ZNF468: variants seen among roughly 807,000 people sequenced by gnomAD.
ZNF468 encodes zinc finger protein 468, also known as zinc finger protein ZNF468.
Under a neutral mutation model 7.2 loss-of-function variants are expected in ZNF468, and 8 were observed. The ratio of observed to expected loss-of-function variants is 1.11; its 90% CI spans 0.65 to 2.01. The LOEUF (loss-of-function observed/expected upper bound fraction) is 2.01. Ranked by LOEUF, ZNF468 falls within the 30% of genes most tolerant of loss-of-function variation. The pLI, the probability that ZNF468 is intolerant of heterozygous loss-of-function variation, is 0.00. For synonymous variants in ZNF468, 218 were observed against 214.4 expected (o/e 1.02, Z -0.15); for missense variants, 608 against 626.5 (o/e 0.97, Z 0.31).
At chr19:52,852,057 G>C (rs2063394670) in intron 2 of ZNF468, among the ~76,000 whole-genome samples, 1 of 151,996 alleles carries the variant, frequency 6.6e-6, no homozygotes, top group Admixed American at 6.6e-5. Flanking sequence ...TGGGAGGAAA[G>C]AGAGGAGCAG....
rs2063365938 is a variant in ZNF468, at chr19:52,849,342, G to T, written c.16-129C>A. The T allele has an allele frequency of 3.9e-6, 6 of 1,535,156 alleles. No homozygotes were observed. The South Asian group carries it at 5.0e-5, about 13-fold the overall frequency. On this transcript the variant is annotated intron_variant, in intron 2 of 3. Transcript: ENST00000595646. ...AATGTTCTGACAAATCCAAATAAGG[G>T]ATTTCTCACTACATGATGTCTCCCC...
intron 2 of ZNF468, among the ~76,000 whole-genome samples, chr19:52,852,045 A>C (rs2063394524): frequency 6.6e-6 from 1 of 152,162 alleles, no homozygotes; most frequent in African/African-American, 2.4e-5. Flanking sequence ...ATACTTTGGC[A>C]GTGGGAGGAA....
At position 52,840,833 on chromosome 19, in the gene ZNF468, C is replaced by A; in HGVS notation, c.1461G>T (p.Arg487Ser). ...GQTSSLIIHR[R>S]LHTGEKPYKC... is the part of the protein sequence containing the mutation. ...TGTAAGGTTTCTCTCCAGTATGAAG[C>A]CTACGATGGATTATAAGCGATGATG... The change falls in exon 4 of 4, where the codon AGG becomes AGT. Residue 487 changes from arginine (R) to serine (S), a missense_variant. Arg to Ser is a moderately radical substitution (Grantham distance 110). Transcript: ENST00000595646. The A allele has an allele frequency of 6.3e-7, 1 of 1,594,216 alleles. No homozygotes were observed. The highest frequency in any genetic ancestry group is 8.5e-7 in the Non-Finnish European group (1 of 1,171,158).
chr19:52,847,928 C>T (rs1370944022), intron 3 of ZNF468, among the ~76,000 whole-genome samples: 4 of 152,112 alleles, frequency 2.6e-5, no homozygotes, highest in Non-Finnish European at 5.9e-5. Flanking sequence ...GTGTGCTAGC[C>T]CCATGGGCCC....
chr19:52,854,226 G>A (rs763935236), intron 2 of ZNF468, 32 bp downstream of exon 2: 18 of 1,613,636 alleles, frequency 1.1e-5, no homozygotes, highest in Non-Finnish European at 1.5e-5. Flanking sequence ...AAAGGAAGGA[G>A]ACAGAACAAT....
chr19:52,841,852 G>T lies in ZNF468; in HGVS notation c.442C>A (p.Leu148Met), dbSNP rs546360972. ...GACTGAAATATGTGCGGTTCAGGCAGATGCAAATGAAAGCTTGATCCAAGC... is the reference window on the plus strand; with the variant it reads ...GACTGAAATATGTGCGGTTCAGGCATATGCAAATGAAAGCTTGATCCAAGC... The part of the protein sequence containing the change: ...DQLGSSFHLH[L>M]PEPHIFQSEG... The change falls in exon 4 of 4, where the codon CTG (leucine) becomes ATG (methionine). Residue 148 changes from leucine (L) to methionine (M), a missense_variant. By Grantham distance (15) the Leu-to-Met change is conservative. Coordinates refer to ENST00000595646, the MANE Select transcript of ZNF468 (RefSeq NM_001008801.2). 2 of 1,614,112 alleles carry T rather than the reference G, an allele frequency of 1.2e-6. No individual in the cohort carries two copies. The highest frequency in any genetic ancestry group is 2.7e-5 in the African/African-American group (2 of 75,022).
Position 52,839,758 on chromosome 19 carries a change from T to G in ZNF468, c.*967A>C. The G allele has an allele frequency of 8.0e-6, 4 of 497,892 alleles. No homozygotes were observed. Among genetic ancestry groups the G allele is most frequent in the Non-Finnish European group, 1.2e-5 (3 of 247,114 alleles). 30.8% of individuals were successfully genotyped at this position (497,892 alleles called of 1,614,324 possible). On this transcript the variant is annotated 3_prime_UTR_variant, in exon 4 of 4. Transcript: ENST00000595646. ...TGTTTTGCATAGGATGAAGCTTGAC[T>G]GAAGACCTTGCCTCAATCATGACAT...
chr19:52,843,453 G>A (rs1011760286), intron 3 of ZNF468, among the ~76,000 whole-genome samples: 2 of 151,944 alleles, frequency 1.3e-5, no homozygotes, highest in Admixed American at 6.6e-5. Flanking sequence ...GGCTGGTCTC[G>A]AACTCCTGAC....
intron 1 of ZNF468, among the ~76,000 whole-genome samples, chr19:52,854,680 A>G (rs1468800574): frequency 6.6e-6 from 1 of 152,166 alleles, no homozygotes; most frequent in Non-Finnish European, 1.5e-5. Context: ...TTTGAGCTCA[A>G]AAGTTTGAGA....
rs146660563 is a variant in ZNF468 at position 52,850,327 on chromosome 19, C to G, written c.16-1114G>C. ...CAACTGCCTGACCTGGAGGAATCTT[C>G]AGATATCTGTAGTAATGCGGGTGTG... On this transcript the variant is annotated intron_variant, in intron 2 of 3. Coordinates refer to ENST00000595646, the MANE Select transcript of ZNF468 (RefSeq NM_001008801.2). Among the ~76,000 whole-genome samples the G allele has an allele frequency of 6.1e-3, 927 of 152,118 alleles. 10 individuals are homozygous for G. The highest frequency in any genetic ancestry group is 0.01 in the Non-Finnish European group (702 of 68,006).
At position 52,841,000 on chromosome 19, in the gene ZNF468, T is replaced by A. The variant is rs1376270583; in HGVS notation, c.1294A>T (p.Ile432Phe). The A allele has an allele frequency of 1.2e-6, 2 of 1,613,904 alleles. No individual in the cohort carries two copies. Residue 432 changes from isoleucine (I) to phenylalanine (F), a missense_variant, in exon 4 of 4, where the codon ATT becomes TTT. Coordinates refer to ENST00000595646, the MANE Select transcript of ZNF468 (RefSeq NM_001008801.2). ...TTGTATGGTTTCTCTCCAGTATGAATCCTCCTGTGTCTTTCCAGGTTTGAT... is the reference window on the plus strand; with the variant it reads ...TTGTATGGTTTCTCTCCAGTATGAAACCTCCTGTGTCTTTCCAGGTTTGAT... ...RKSNLERHRRIHTGEKPYKCK... is the reference protein window; with the variant it reads ...RKSNLERHRRFHTGEKPYKCK...
intron 3 of ZNF468, among the ~76,000 whole-genome samples, chr19:52,842,882 C>T (rs533174861): frequency 1.6e-4 from 23 of 145,650 alleles, no homozygotes; most frequent in African/African-American, 4.9e-4. Flanking sequence ...CCAGTAACTC[C>T]GGAGGCCGAG....
chr19:52,839,850 T>G lies in ZNF468; in HGVS notation c.*875A>C. ...AAGGCATGAACGATGTCTGAAAAAT[T>G]TGCCACATTTATTACACTTGTAAGA... On this transcript the variant is annotated 3_prime_UTR_variant, in exon 4 of 4. Transcript: ENST00000595646. The G allele has an allele frequency of 1.6e-6, 1 of 638,600 alleles. No homozygotes were observed. Among genetic ancestry groups the G allele is most frequent in the South Asian group, 1.5e-5 (1 of 65,608 alleles). The allele number at this position is 638,600 out of a possible 1,614,324, so 39.6% of individuals were successfully genotyped here. A position where few individuals can be genotyped will look rare whatever the true frequency, so the allele number is the denominator to read the frequency against.
At chr19:52,851,738 C>G (rs949979851) in intron 2 of ZNF468, among the ~76,000 whole-genome samples, 19 of 151,972 alleles carry the variant, frequency 1.3e-4, no homozygotes, top group African/African-American at 4.4e-4. Flanking sequence ...GAGACCTTCT[C>G]TCAAAATGAA....
chr19:52,851,433 C>T (rs1279319802), intron 2 of ZNF468, among the ~76,000 whole-genome samples: 2 of 152,076 alleles, frequency 1.3e-5, no homozygotes, highest in Non-Finnish European at 2.9e-5. Flanking sequence ...AAAAATTATT[C>T]AGGTGTGGTG....
Position 52,841,640 on chromosome 19 carries a change from T to G in ZNF468, c.654A>C (p.Ile218=), listed in dbSNP as rs780041966. 2 of 1,614,122 alleles carry G rather than the reference T, an allele frequency of 1.2e-6. No individual in the cohort carries two copies. Among genetic ancestry groups the G allele is most frequent in the Admixed American group, 1.7e-5 (1 of 60,012 alleles). Residue 218 remains isoleucine, a synonymous_variant, in exon 4 of 4, where the codon ATA becomes ATC. Coordinates refer to ENST00000595646, the MANE Select transcript of ZNF468 (RefSeq NM_001008801.2). ...VHMREKSFEC[I]QSFKSFNCSS... ...TGCAATTAAAGGATTTGAAGCTCTG[T>G]ATACATTCAAAAGATTTTTCTCTCA...
chr19:52,841,145 G>T lies in ZNF468; in HGVS notation c.1149C>A (p.Tyr383Ter), dbSNP rs757046922. ...HHRLHTGEKP[Y>*]KCEECDKVFS... ...AAACTTTGTCACACTCTTCACATTT[G>T]TAAGGTTTCTCTCCAGTATGAAGTC... Residue 383 changes from tyrosine (Y) to a stop codon, truncating the protein, a stop_gained, in exon 4 of 4, where the codon TAC becomes TAA. Transcript: ENST00000595646. LOFTEE classifies it low-confidence loss of function (END_TRUNC). 6.8e-6 allele frequency: 11 copies of T among 1,612,700 alleles called. No homozygotes were observed. The South Asian group carries it at 1.1e-4, about 16-fold the overall frequency.
Position 52,855,183 on chromosome 19 carries a change from A to G in ZNF468, c.-73-838T>C, listed in dbSNP as rs1194577137. 2.0e-5 allele frequency among the ~76,000 whole-genome samples: 3 copies of G among 151,896 alleles called. No individual in the cohort carries two copies. In the East Asian group the frequency reaches 5.8e-4, roughly 29 times the overall value. On this transcript the variant is annotated intron_variant, in intron 1 of 3. Transcript: ENST00000595646. ...GACAGAGTGAGAGTCTGTTTGAAAA[A>G]AAAAAAAAAAGTGCATTTCTGATGG...
chr19:52,843,974 C>A (rs1402755711), intron 3 of ZNF468, among the ~76,000 whole-genome samples: 1 of 152,042 alleles, frequency 6.6e-6, no homozygotes, highest in African/African-American at 2.4e-5. Flanking sequence ...ACAAAAAAAT[C>A]AGCCAGGCAT....
Sources: allele counts gnomAD v4.1 joint callset (sites outside exome capture counted in the v4.1 genomes callset), GRCh38; gene constraint gnomAD v4.1.1; transcripts MANE v1.5; gene names NCBI Gene and HGNC (gene_info 2026-07-23, HGNC 2026-07-21).